Variants in ZMYM2 observed in about 807,000 individuals in gnomAD.
ZMYM2 encodes zinc finger MYM-type protein 2.
In ZMYM2, 56 loss-of-function variants were observed where a neutral mutation model predicts 162.8. The observed-to-expected ratio is 0.34, with a 90% confidence interval of 0.28 to 0.43. The LOEUF (loss-of-function observed/expected upper bound fraction) is 0.43. ZMYM2 is among the 20% of genes least tolerant of loss of function. The probability of loss-of-function intolerance (pLI) is 1.00; values close to 1 mark genes in which losing one functional copy is unlikely to be tolerated. For missense variants in ZMYM2, 1,275 were observed against 1,621.8 expected, an observed-to-expected ratio of 0.79 and a Z score of 3.67; for synonymous variants, 510 against 541.6, an observed-to-expected ratio of 0.94 and a Z score of 0.81.
chr13:19,953,369 A>T, the ZMYM2 span, among the ~76,000 whole-genome samples: 1 of 152,204 alleles, frequency 6.6e-6, no homozygotes, highest in Non-Finnish European at 1.5e-5. Context: ...AAGAATGGCA[A>T]CTTAAATCTC....
chr13:20,037,078 G>T (rs1953773475), intron 12 of ZMYM2, among the ~76,000 whole-genome samples, 169 bp downstream of exon 12: 1 of 152,002 alleles, frequency 6.6e-6, no homozygotes, highest in South Asian at 2.1e-4. Context: ...CTTGTTTGAA[G>T]TAGCATTTTT....
chr13:20,000,985 T>G (rs1324159337), intron 3 of ZMYM2, among the ~76,000 whole-genome samples: 1 of 152,002 alleles, frequency 6.6e-6, no homozygotes, highest in Admixed American at 6.6e-5. Flanking sequence ...TTAACCAGAG[T>G]TTGGAAGAAG....
chr13:20,088,028 C>G lies in ZMYM2; in HGVS notation c.*2014C>G, dbSNP rs375119698. On this transcript the variant is annotated 3_prime_UTR_variant, in exon 25 of 25. Coordinates refer to ENST00000610343, the MANE Select transcript of ZMYM2 (RefSeq NM_197968.4). ...CACTTATTGTATATGTTACCAAATA[C>G]CATGAATTTCTGCCATAGTACTACT... 1.2e-4 allele frequency: 24 copies of G among 195,750 alleles called. No individual in the cohort carries two copies. The highest frequency in any genetic ancestry group is 1.0e-3 in the East Asian group (13 of 12,626). The allele number at this position is 195,750 out of a possible 1,614,324, so 12.1% of individuals were successfully genotyped here. A position where few individuals can be genotyped will look rare whatever the true frequency, so the allele number is the denominator to read the frequency against.
chr13:19,888,007 G>A, the ZMYM2 span, among the ~76,000 whole-genome samples: 6 of 150,978 alleles, frequency 4.0e-5, no homozygotes, highest in African/African-American at 7.4e-5. Flanking sequence ...TCAGCCTCCC[G>A]AGTAGCTGGG....
intron 12 of ZMYM2, among the ~76,000 whole-genome samples, chr13:20,050,240 C>G (rs1955197014): frequency 6.6e-6 from 1 of 151,720 alleles, no homozygotes; most frequent in Non-Finnish European, 1.5e-5. Flanking sequence ...AAAAAAAAAG[C>G]CTGTGTTCTA....
chr13:19,995,674 C>G (rs1441232541), intron 3 of ZMYM2, among the ~76,000 whole-genome samples: 1 of 152,168 alleles, frequency 6.6e-6, no homozygotes, highest in Non-Finnish European at 1.5e-5. Context: ...CCACTGTACC[C>G]AGCCCCCCAC....
Position 20,067,356 on chromosome 13 carries a change from A to G in ZMYM2, c.3419A>G (p.Asp1140Gly). The change falls in exon 21 of 25, where the codon GAC (aspartate) becomes GGC (glycine). Residue 1140 changes from aspartate to glycine, a missense_variant. Asp to Gly is a moderately conservative substitution (Grantham distance 94, BLOSUM62 -1). This residue lies in a region of ZMYM2 where 229 missense variants were observed against 283.8 expected (regional missense o/e 0.81). Transcript: ENST00000610343. ...RRPNGENYAP[D>G]SIYYLCLGIQ... ...CCAAATGGAGAGAATTATGCACCTG[A>G]CAGCATCTATTACCTTTGCCTTGGA... The G allele has an allele frequency of 6.2e-7, 1 of 1,611,386 alleles. No homozygotes were observed. Among genetic ancestry groups the G allele is most frequent in the Non-Finnish European group, 8.5e-7 (1 of 1,178,512 alleles).
the ZMYM2 span, among the ~76,000 whole-genome samples, chr13:19,871,892 G>A: frequency 3.9e-5 from 6 of 152,024 alleles, no homozygotes; most frequent in Non-Finnish European, 7.4e-5. Flanking sequence ...ATAAAAAATC[G>A]GAAAGTAATA....
chr13:19,946,157 A>G, the ZMYM2 span, among the ~76,000 whole-genome samples: 1 of 152,060 alleles, frequency 6.6e-6, no homozygotes, highest in African/African-American at 2.4e-5. Flanking sequence ...CCAAAATTCT[A>G]CGCTTGCTAC....
the ZMYM2 span, among the ~76,000 whole-genome samples, chr13:19,887,642 T>G: frequency 1.3e-5 from 2 of 151,772 alleles, no homozygotes; most frequent in African/African-American, 2.4e-5. Flanking sequence ...AGTGGTAGAG[T>G]TGTTAGGAAA....
At position 20,061,223 on chromosome 13, in the gene ZMYM2, C is replaced by A. The variant is rs748593159; in HGVS notation, c.2910C>A (p.Asn970Lys). Reference sequence around the variant, plus strand: ...GGAAAACAGAGACAACCAACATCAACAGTGAGCTACACTAAATTATACCTT... The same window carrying A: ...GGAAAACAGAGACAACCAACATCAAAAGTGAGCTACACTAAATTATACCTT... ...DEGKTETTNI[N>K]SVIIETDIIG... is the part of the protein sequence containing the mutation. Residue 970 changes from asparagine to lysine, a missense_variant and splice_region_variant, in exon 17 of 25, where the codon AAC becomes AAA. This residue lies in a region of ZMYM2 where 229 missense variants were observed against 283.8 expected (regional missense o/e 0.81). Transcript: ENST00000610343. 6.2e-7 allele frequency: 1 copy of A among 1,613,280 alleles called. No homozygotes were observed. The highest frequency in any genetic ancestry group is 8.5e-7 in the Non-Finnish European group (1 of 1,179,616).
At chr13:19,942,689 TA>T in the ZMYM2 span, among the ~76,000 whole-genome samples, 1 of 151,982 alleles carries the variant, frequency 6.6e-6, no homozygotes, top group Non-Finnish European at 1.5e-5. Context: ...CAGCCTGAGC[TA>T]CAGGGAGAGA....
In ZMYM2 at chr13:19,991,531, T is replaced by C. The variant is rs569843602; in HGVS notation, c.-10-1532T>C. 1.2e-4 allele frequency among the ~76,000 whole-genome samples: 19 copies of C among 152,322 alleles called. No homozygotes were observed. The East Asian group carries it at 3.7e-3, about 29-fold the overall frequency. On this transcript the variant is annotated intron_variant, in intron 2 of 24. Coordinates refer to ENST00000610343, the MANE Select transcript of ZMYM2 (RefSeq NM_197968.4). ...TAGCAGAATGATGAGTTTTGAACTC[T>C]TGAGTTTTAGAGACCTGGGTATTCA... is the stretch of plus-strand genomic sequence containing the variant.
At chr13:19,934,781 T>G in the ZMYM2 span, among the ~76,000 whole-genome samples, 2 of 144,358 alleles carry the variant, frequency 1.4e-5, no homozygotes, top group African/African-American at 5.0e-5. Context: ...CTTTTTTTTT[T>G]TTTGAGATGG....
At chr13:20,075,118 C>G (rs1455000932) in intron 21 of ZMYM2, among the ~76,000 whole-genome samples, 1 of 152,144 alleles carries the variant, frequency 6.6e-6, no homozygotes, top group Non-Finnish European at 1.5e-5. Flanking sequence ...GAAATCAGTG[C>G]TGTTTAATAT....
intron 12 of ZMYM2, among the ~76,000 whole-genome samples, chr13:20,042,936 C>G (rs549656553): frequency 1.3e-5 from 2 of 152,240 alleles, no homozygotes; most frequent in African/African-American, 4.8e-5. Context: ...GTTGGCCAAA[C>G]TGGTCTCGAA....
At chr13:20,014,226 A>T (rs551106553) in intron 6 of ZMYM2, among the ~76,000 whole-genome samples, 42 of 152,234 alleles carry the variant, frequency 2.8e-4, no homozygotes, top group Non-Finnish European at 4.9e-4. Context: ...GGCGCCTGCC[A>T]CCACGCCCAG....
At chr13:19,947,598 A>G in the ZMYM2 span, among the ~76,000 whole-genome samples, 1 of 151,904 alleles carries the variant, frequency 6.6e-6, no homozygotes, top group Non-Finnish European at 1.5e-5. Flanking sequence ...AGCTGGGATT[A>G]CAGGCACACG....
chr13:20,016,614 A>G (rs1255640824), intron 6 of ZMYM2, among the ~76,000 whole-genome samples: 2 of 152,114 alleles, frequency 1.3e-5, no homozygotes, highest in East Asian at 1.9e-4. Context: ...TTTGCTGGAC[A>G]TAGTATTCTT....
Sources: allele counts gnomAD v4.1 joint callset (sites outside exome capture counted in the v4.1 genomes callset), GRCh38; gene constraint gnomAD v4.1.1; regional missense constraint gnomAD v4.1.1; transcripts MANE v1.5; gene names NCBI Gene and HGNC (gene_info 2026-07-23, HGNC 2026-07-21).